LRP1B: variants seen among roughly 807,000 people sequenced by gnomAD.
LRP1B encodes LDL receptor related protein 1B.
LRP1B carries 217 observed loss-of-function variants against 556.6 expected under a neutral mutation model. The observed-to-expected ratio is 0.39, with a 90% CI of 0.35 to 0.44. The LOEUF (loss-of-function observed/expected upper bound fraction) is 0.44. Ranked by LOEUF, LRP1B falls within the 20% of genes least tolerant of loss-of-function variation. The pLI is 1.00. For synonymous variants in LRP1B, 2,047 were observed against 1,865.8 expected, an observed-to-expected ratio of 1.10 and a Z score of -2.50; for missense variants, 5,053 against 5,620.8, an observed-to-expected ratio of 0.90 and a Z score of 3.23.
intron 23 of LRP1B, among the ~76,000 whole-genome samples, chr2:140,901,069 G>A (rs1056052779): frequency 2.6e-5 from 4 of 152,064 alleles, no homozygotes; most frequent in African/African-American, 9.7e-5. Context: ...GTACATAGTA[G>A]GGGTTATAGT....
chr2:141,710,264 A>C (rs1422107691), intron 2 of LRP1B, among the ~76,000 whole-genome samples: 2 of 152,162 alleles, frequency 1.3e-5, no homozygotes, highest in East Asian at 3.9e-4. Flanking sequence ...TACTCTCAAA[A>C]TGTCAGGTTT....
intron 3 of LRP1B, among the ~76,000 whole-genome samples, chr2:141,285,899 T>C (rs1438286519): frequency 6.7e-6 from 1 of 149,674 alleles, no homozygotes. Context: ...ACCCCGTCTC[T>C]ACTAAAAATA....
chr2:141,289,684 T>C (rs1303939898), intron 3 of LRP1B, among the ~76,000 whole-genome samples: 1 of 152,172 alleles, frequency 6.6e-6, no homozygotes. Flanking sequence ...AGTGCATTTG[T>C]ATATTTCTTT....
intron 5 of LRP1B, among the ~76,000 whole-genome samples, chr2:141,245,091 G>A (rs1397411598): frequency 6.6e-6 from 1 of 152,126 alleles, no homozygotes; most frequent in Non-Finnish European, 1.5e-5. Flanking sequence ...TCTCTGTGTA[G>A]CACTAGTGTG....
chr2:141,365,497 T>G (rs1227091833), intron 3 of LRP1B, among the ~76,000 whole-genome samples: 3 of 126,408 alleles, frequency 2.4e-5, no homozygotes, highest in Non-Finnish European at 5.2e-5. Context: ...TTTTTTTTTT[T>G]GTCAAACACT....
intron 84 of LRP1B, among the ~76,000 whole-genome samples, chr2:140,288,892 T>C (rs999051847): frequency 1.3e-5 from 2 of 151,874 alleles, no homozygotes; most frequent in African/African-American, 2.4e-5. Flanking sequence ...CTTCCTTACA[T>C]TGTAAAAAGA....
intron 11 of LRP1B, among the ~76,000 whole-genome samples, chr2:141,042,305 T>A (rs886435146): frequency 7.2e-5 from 11 of 151,888 alleles, no homozygotes; most frequent in East Asian, 1.9e-4. Context: ...GAAAAAAAAA[T>A]GGGCGTTCCC....
chr2:140,653,546 T>G (rs1203214820), intron 41 of LRP1B, among the ~76,000 whole-genome samples: 4 of 151,976 alleles, frequency 2.6e-5, no homozygotes, highest in Non-Finnish European at 5.9e-5. Context: ...TTAAATATGG[T>G]GATATGGTAG....
At chr2:141,252,825 A>G (rs1684312980) in intron 4 of LRP1B, among the ~76,000 whole-genome samples, 2 of 152,142 alleles carry the variant, frequency 1.3e-5, no homozygotes, top group African/African-American at 4.8e-5. Flanking sequence ...GTTTTGAGAA[A>G]GCCTAATGAT....
At chr2:140,303,464 G>C (rs978977760) in intron 83 of LRP1B, among the ~76,000 whole-genome samples, 5 of 151,798 alleles carry the variant, frequency 3.3e-5, no homozygotes, top group African/African-American at 1.2e-4. Flanking sequence ...GGCCAGGCTG[G>C]TCTCGAATTC....
intron 2 of LRP1B, among the ~76,000 whole-genome samples, chr2:141,689,770 T>C (rs949169951): frequency 3.3e-5 from 5 of 151,746 alleles, no homozygotes; most frequent in African/African-American, 1.2e-4. Context: ...GCCAGCAGGG[T>C]TTTCTGCCTC....
rs1559079709 is a variant in LRP1B at position 142,115,561 on chromosome 2, T to TA, written c.82+15086_82+15087insT. ...ACATATGTAATATATATATTATATA[T>TA]GTAATATATATTATATATGTAATAT... On this transcript the variant is annotated intron_variant, in intron 1 of 90. Coordinates refer to ENST00000389484, the MANE Select transcript of LRP1B (RefSeq NM_018557.3). Among the ~76,000 whole-genome samples, 104 of 55,338 alleles carry TA rather than the reference T, an allele frequency of 1.9e-3. 16 individuals carry two copies. The highest frequency in any genetic ancestry group is 2.7e-3 in the African/African-American group (37 of 13,646). 36.3% of individuals were successfully genotyped at this position (55,338 alleles called of 152,430 possible). A position where few individuals can be genotyped will look rare whatever the true frequency, so the allele number is the denominator to read the frequency against.
intron 1 of LRP1B, among the ~76,000 whole-genome samples, chr2:141,908,395 G>A (rs1699816543): frequency 6.6e-6 from 1 of 151,952 alleles, no homozygotes; most frequent in South Asian, 2.1e-4. Flanking sequence ...TCTGGACATT[G>A]AGGACACAGC....
chr2:140,741,689 T>C (rs1182069325), intron 35 of LRP1B, among the ~76,000 whole-genome samples: 3 of 151,730 alleles, frequency 2.0e-5, no homozygotes, highest in African/African-American at 7.3e-5. Flanking sequence ...TCTGTATCCA[T>C]ATGTACTCAA....
At chr2:140,650,072 T>C (rs1483120799) in intron 41 of LRP1B, among the ~76,000 whole-genome samples, 1 of 152,062 alleles carries the variant, frequency 6.6e-6, no homozygotes, top group Non-Finnish European at 1.5e-5. Flanking sequence ...GAAATATATA[T>C]TCTAAAAGTA....
chr2:140,803,647 C>T (rs985214943), intron 32 of LRP1B, among the ~76,000 whole-genome samples: 2 of 151,700 alleles, frequency 1.3e-5, no homozygotes, highest in African/African-American at 4.8e-5. Context: ...CACAGTAACC[C>T]CCAGTCCTCA....
intron 1 of LRP1B, among the ~76,000 whole-genome samples, chr2:142,019,447 A>C (rs2105173101): frequency 6.6e-6 from 1 of 152,290 alleles, no homozygotes; most frequent in African/African-American, 2.4e-5. Context: ...TTCTGCTCAG[A>C]AACTGACCAC....
At chr2:141,015,614 G>A (rs1007196210) in intron 13 of LRP1B, 82 bp downstream of exon 13, 2 of 1,136,364 alleles carry the variant, frequency 1.8e-6, no homozygotes, top group African/African-American at 3.1e-5. Flanking sequence ...AAATAAACTT[G>A]AAAGTATTTT....
In LRP1B at chr2:140,479,269, T is replaced by C. The variant is rs1465598741; in HGVS notation, c.9426-3932A>G. On this transcript the variant is annotated intron_variant, in intron 59 of 90. Transcript: ENST00000389484. ...AAGACTGTGCTAAACATAATGGTAA[T>C]TTTAACTTCTGAAATGAAACCCTTA... Among the ~76,000 whole-genome samples the C allele has an allele frequency of 2.0e-5, 3 of 152,270 alleles. No homozygotes were observed. In the East Asian group the frequency reaches 5.8e-4, roughly 29 times the overall value.
Sources: allele counts gnomAD v4.1 joint callset (sites outside exome capture counted in the v4.1 genomes callset), GRCh38; gene constraint gnomAD v4.1.1; transcripts MANE v1.5; gene names NCBI Gene and HGNC (gene_info 2026-07-23, HGNC 2026-07-21).